The following GRM3 variants were observed in gnomAD, a reference collection of about 807,000 sequenced individuals.
GRM3 encodes metabotropic glutamate receptor 3.
A neutral mutation model predicts 70.5 loss-of-function variants in GRM3; 26 were observed. That is an observed-to-expected ratio of 0.37 (90% confidence interval 0.27 to 0.51). The LOEUF is 0.51. GRM3 is among the 20% of genes least tolerant of loss of function. GRM3 has a pLI of 0.93. For synonymous variants in GRM3, 443 were observed against 434.9 expected, an observed-to-expected ratio of 1.02 and a Z score of -0.23; for missense variants, 859 against 1,123.8, an observed-to-expected ratio of 0.76 and a Z score of 3.37.
chr7:86,800,595 G>A (rs1005400952), intron 3 of GRM3, among the ~76,000 whole-genome samples: 5 of 152,188 alleles, frequency 3.3e-5, no homozygotes, highest in Admixed American at 6.5e-5. Flanking sequence ...CAAGGGAGAA[G>A]TTGAATCCCT....
chr7:86,815,145 A>AG (rs897837570), intron 3 of GRM3, among the ~76,000 whole-genome samples: 3 of 151,532 alleles, frequency 2.0e-5, no homozygotes, highest in African/African-American at 7.3e-5. Context: ...TTAATTTCTT[A>AG]GGGGGAAAAG....
intron 5 of GRM3, among the ~76,000 whole-genome samples, chr7:86,860,458 T>C (rs1798933070): frequency 6.6e-6 from 1 of 152,126 alleles, no homozygotes; most frequent in Non-Finnish European, 1.5e-5. Flanking sequence ...ACCGATGAAA[T>C]AATAAAAGAG....
chr7:86,711,165 TAA>T (rs1212184093), intron 1 of GRM3, among the ~76,000 whole-genome samples: 2 of 151,534 alleles, frequency 1.3e-5, no homozygotes, highest in African/African-American at 4.8e-5. Flanking sequence ...TTCTCTAATT[TAA>T]TTTAATTTAA....
chr7:86,691,715 A>T (rs1195655930), intron 1 of GRM3, among the ~76,000 whole-genome samples: 4 of 152,116 alleles, frequency 2.6e-5, no homozygotes, highest in African/African-American at 9.7e-5. Context: ...TTCCTTATGA[A>T]AGTATAAGCT....
chr7:86,704,248 T>C (rs1291902110), intron 1 of GRM3, among the ~76,000 whole-genome samples: 1 of 151,938 alleles, frequency 6.6e-6, no homozygotes, highest in African/African-American at 2.4e-5. Flanking sequence ...TAGGTACAGA[T>C]AAGAAAAATA....
intron 2 of GRM3, among the ~76,000 whole-genome samples, chr7:86,778,135 G>A (rs1261283316): frequency 6.6e-6 from 1 of 152,024 alleles, no homozygotes; most frequent in East Asian, 1.9e-4. Context: ...TAAACATGAA[G>A]GTTATTATCA....
At chr7:86,733,680 T>C (rs1283820102) in intron 1 of GRM3, among the ~76,000 whole-genome samples, 4 of 152,086 alleles carry the variant, frequency 2.6e-5, no homozygotes, top group Non-Finnish European at 5.9e-5. Flanking sequence ...CTAACAGATC[T>C]GGGGGGAGTT....
chr7:86,754,899 G>A (rs148393151), intron 1 of GRM3, among the ~76,000 whole-genome samples: 7 of 152,216 alleles, frequency 4.6e-5, no homozygotes, highest in Non-Finnish European at 8.8e-5. Flanking sequence ...TTTGTCTCAT[G>A]GTGGTAAGAT....
Position 86,838,984 on chromosome 7 carries a change from A to G in GRM3, c.1470A>G (p.Leu490=). The G allele has an allele frequency of 1.2e-6, 2 of 1,614,116 alleles. No homozygotes were observed. Among genetic ancestry groups the G allele is most frequent in the African/African-American group, 1.3e-5 (1 of 75,046 alleles). Residue 490 remains leucine, a synonymous_variant, in exon 4 of 6, where the codon TTA becomes TTG. Transcript: ENST00000361669. ...AAGTTGGTCACTGGGCAGAAACCTTATCGCTAGATGTCAACTCTATCCACT... is the reference window on the plus strand; with the variant it reads ...AAGTTGGTCACTGGGCAGAAACCTTGTCGCTAGATGTCAACTCTATCCACT... ...YLKVGHWAET[L]SLDVNSIHWS... is the part of the protein sequence containing the mutation.
At chr7:86,769,256 G>T (rs1023506765) in intron 2 of GRM3, among the ~76,000 whole-genome samples, 17 of 152,050 alleles carry the variant, frequency 1.1e-4, no homozygotes, top group Admixed American at 7.2e-4. Context: ...ACTGGAAATT[G>T]TCTTTTCTTG....
chr7:86,824,718 G>A (rs1410789112), intron 3 of GRM3, among the ~76,000 whole-genome samples: 1 of 152,094 alleles, frequency 6.6e-6, no homozygotes, highest in Non-Finnish European at 1.5e-5. Flanking sequence ...GTGAAGTTTT[G>A]GATGTTAACA....
intron 1 of GRM3, among the ~76,000 whole-genome samples, chr7:86,737,279 A>G (rs1795885058): frequency 6.6e-6 from 1 of 152,226 alleles, no homozygotes; most frequent in Admixed American, 6.5e-5. Context: ...CACATGCACT[A>G]TCACAGTTAA....
At chr7:86,741,401 G>A (rs1052955069) in intron 1 of GRM3, among the ~76,000 whole-genome samples, 4 of 152,162 alleles carry the variant, frequency 2.6e-5, no homozygotes, top group Admixed American at 2.0e-4. Flanking sequence ...TTAAGTTATT[G>A]CTCTCAGGTG....
chr7:86,825,283 A>G (rs1798209496), intron 3 of GRM3, among the ~76,000 whole-genome samples: 1 of 152,266 alleles, frequency 6.6e-6, no homozygotes, highest in Non-Finnish European at 1.5e-5. Context: ...TTAAATCATA[A>G]CTTCTTAAAT....
intron 1 of GRM3, among the ~76,000 whole-genome samples, chr7:86,733,023 A>G (rs1379092403): frequency 6.6e-6 from 1 of 152,138 alleles, no homozygotes; most frequent in Non-Finnish European, 1.5e-5. Flanking sequence ...GAGATAAGAA[A>G]GGCTGAGATG....
intron 1 of GRM3, 142 bp from the exon 2 acceptor site, chr7:86,764,864 G>A (rs1487820356): frequency 8.0e-6 from 3 of 374,002 alleles, no homozygotes; most frequent in Non-Finnish European, 9.3e-6. Flanking sequence ...ATACCTGTGA[G>A]AGAGTGCCTG....
intron 3 of GRM3, chr7:86,832,947 A>G (rs1247797362): frequency 1.1e-6 from 1 of 882,858 alleles, no homozygotes; most frequent in Admixed American, 6.2e-5. Flanking sequence ...TTGAAATTAG[A>G]GTTTGGAGAA....
intron 3 of GRM3, among the ~76,000 whole-genome samples, chr7:86,787,561 A>AGAGC (rs1427618062): frequency 6.6e-6 from 1 of 151,716 alleles, no homozygotes; most frequent in African/African-American, 2.4e-5. Flanking sequence ...GGTGACAGAG[A>AGAGC]GAGAGAGAGA....
chr7:86,731,792 A>C (rs114014520), intron 1 of GRM3, among the ~76,000 whole-genome samples: 1 of 152,220 alleles, frequency 6.6e-6, no homozygotes, highest in South Asian at 2.1e-4. Flanking sequence ...ATGGTATTCA[A>C]GTAACTATTA....
Sources: allele counts gnomAD v4.1 joint callset (sites outside exome capture counted in the v4.1 genomes callset), GRCh38; gene constraint gnomAD v4.1.1; transcripts MANE v1.5; gene names NCBI Gene and HGNC (gene_info 2026-07-23, HGNC 2026-07-21).